ALKBH3: variants seen among roughly 807,000 people sequenced by gnomAD.
ALKBH3 encodes the protein alkB homolog 3, alpha-ketoglutarate dependent dioxygenase.
ALKBH3 carries 51 observed loss-of-function variants against 43.9 expected under a neutral mutation model. The observed-to-expected ratio is 1.16, with a 90% CI of 0.93 to 1.47. The LOEUF is 1.47. ALKBH3 is among the 40% of genes most tolerant of loss of function. The pLI, the probability that ALKBH3 is intolerant of heterozygous loss-of-function variation, is 0.00. For synonymous variants in ALKBH3, 102 were observed against 115.2 expected (o/e 0.89, Z 0.73); for missense variants, 361 against 351.9 (o/e 1.03, Z -0.21).
At chr11:43,897,803 C>T in intron 7 of ALKBH3, 1 of 829,834 alleles carries the variant, frequency 1.2e-6, no homozygotes, top group South Asian at 1.3e-5. Context: ...AAGATTGGAC[C>T]CGTTTTGAAC....
intron 5 of ALKBH3, 66 bp downstream of exon 5, chr11:43,886,719 C>T: frequency 2.0e-6 from 3 of 1,507,092 alleles, no homozygotes; most frequent in Non-Finnish European, 2.8e-6. Context: ...AAATAGTTTA[C>T]TCCCCTAGAG....
rs370472059 is a variant in ALKBH3, at chr11:43,914,412, G to A, written c.670-4626G>A. On this transcript the variant is annotated intron_variant, in intron 8 of 9. Coordinates refer to ENST00000302708, the MANE Select transcript of ALKBH3 (RefSeq NM_139178.4). Reference sequence around the variant, plus strand: ...GCCTGGCACCTGAGCACATGCCATCGTAGATCTTGTGGAAGAAGTCTGGCA... The same window carrying A: ...GCCTGGCACCTGAGCACATGCCATCATAGATCTTGTGGAAGAAGTCTGGCA... Among the ~76,000 whole-genome samples the A allele has an allele frequency of 2.0e-3, 300 of 152,268 alleles. 2 individuals are homozygous for A. The highest frequency in any genetic ancestry group is 7.0e-3 in the African/African-American group (291 of 41,552).
chr11:43,882,768 T>G (rs561117909), intron 2 of ALKBH3, 37 bp downstream of exon 2: 2 of 1,563,532 alleles, frequency 1.3e-6, no homozygotes, highest in African/African-American at 2.8e-5. Context: ...TGTGTGGATA[T>G]GGACAACTCT....
At chr11:43,905,935 A>G (rs1353372845) in intron 8 of ALKBH3, among the ~76,000 whole-genome samples, 1 of 152,242 alleles carries the variant, frequency 6.6e-6, no homozygotes, top group African/African-American at 2.4e-5. Context: ...CCATGGAAAC[A>G]GTGATGGCTG....
At chr11:43,898,454 G>C (rs1278290123) in intron 7 of ALKBH3, 1 of 862,108 alleles carries the variant, frequency 1.2e-6, no homozygotes, top group Non-Finnish European at 1.9e-6. Context: ...TGGCCCCTCT[G>C]TATGCTCAGG....
chr11:43,896,102 C>T (rs115219419), intron 7 of ALKBH3, among the ~76,000 whole-genome samples: 3,891 of 152,242 alleles, frequency 0.026, 91 homozygotes, highest in African/African-American at 0.063. Flanking sequence ...ATTTGGCAGA[C>T]ATTTCCTCAT....
chr11:43,890,747 C>T (rs1235933605), intron 6 of ALKBH3, among the ~76,000 whole-genome samples: 1 of 152,014 alleles, frequency 6.6e-6, no homozygotes, highest in Non-Finnish European at 1.5e-5. Context: ...ACCTGTAGTC[C>T]CAGCTACTCG....
intron 8 of ALKBH3, chr11:43,910,516 GTAATGATAAAATCA>G (rs1313764356): frequency 6.6e-6 from 1 of 152,162 alleles, no homozygotes; most frequent in East Asian, 1.9e-4. Flanking sequence ...CTTCCACCCT[GTAATGATAAAATCA>G]GATTCGTATT....
At position 43,887,286 on chromosome 11, in the gene ALKBH3, G is replaced by C. The variant is rs114898299; in HGVS notation, c.266+633G>C. ...CTATTTCCCAAGTTTTTTAGATGAG[G>C]AAATGAGACCTAGGAAGATTGAATA... On this transcript the variant is annotated intron_variant, in intron 5 of 9. Transcript: ENST00000302708. 8.1e-3 allele frequency among the ~76,000 whole-genome samples: 1,232 copies of C among 152,196 alleles called. 13 individuals are homozygous for C. Among genetic ancestry groups the C allele is most frequent in the African/African-American group, 0.028 (1,162 of 41,520 alleles).
At chr11:43,884,116 A>T (rs548623253) in intron 4 of ALKBH3, 99 bp downstream of exon 4, 7 of 1,400,786 alleles carry the variant, frequency 5.0e-6, no homozygotes, top group Non-Finnish European at 6.0e-6. Flanking sequence ...AGAATGGCCC[A>T]ATAAGTGTCT....
In ALKBH3 at chr11:43,883,280, T is replaced by G. The variant is rs186756177; in HGVS notation, c.183+92T>G. Reference sequence around the variant, plus strand: ...GACACTCAAATAAATAATGACTGAATAAATTCACTAATAGCAGAGCAGAAG... The same window carrying G: ...GACACTCAAATAAATAATGACTGAAGAAATTCACTAATAGCAGAGCAGAAG... On this transcript the variant is annotated intron_variant, in intron 3 of 9. Transcript: ENST00000302708. The G allele has an allele frequency of 4.1e-5, 34 of 824,492 alleles. No homozygotes were observed. In the African/African-American group the frequency reaches 5.0e-4, roughly 12 times the overall value. 51.1% of individuals were successfully genotyped at this position (824,492 alleles called of 1,614,324 possible). A position where few individuals can be genotyped will look rare whatever the true frequency, so the allele number is the denominator to read the frequency against.
At chr11:43,889,863 G>A (rs200004652) in intron 6 of ALKBH3, 35 bp downstream of exon 6, 13 of 1,525,826 alleles carry the variant, frequency 8.5e-6, no homozygotes, top group East Asian at 2.3e-5. Flanking sequence ...TTGGTGCTGC[G>A]TGTTCTCCCT....
intron 8 of ALKBH3, among the ~76,000 whole-genome samples, chr11:43,917,572 G>A (rs980235056): frequency 5.3e-4 from 81 of 152,156 alleles, no homozygotes; most frequent in African/African-American, 1.9e-3. Flanking sequence ...GCCTTGGACT[G>A]TCTAATCTCA....
At chr11:43,898,270 C>A in intron 7 of ALKBH3, 1 of 764,580 alleles carries the variant, frequency 1.3e-6, no homozygotes, top group Non-Finnish European at 2.3e-6. Context: ...TGAGCATATT[C>A]TTCAGTTCCT....
chr11:43,903,983 A>G (rs1330414978), intron 8 of ALKBH3, among the ~76,000 whole-genome samples: 1 of 152,230 alleles, frequency 6.6e-6, no homozygotes, highest in Non-Finnish European at 1.5e-5. Context: ...CACATCAGTT[A>G]TGTTATAGGG....
rs1952015640 is a variant in ALKBH3, at chr11:43,920,170, C to G, written c.*160C>G. On this transcript the variant is annotated 3_prime_UTR_variant, in exon 10 of 10. Transcript: ENST00000302708. ...AGTCCTATTAAATGAAAGCCAGCAACTCATGTTGGTAATAGGTCTACTGTG... is the reference window on the plus strand; with the variant it reads ...AGTCCTATTAAATGAAAGCCAGCAAGTCATGTTGGTAATAGGTCTACTGTG... 3.2e-6 allele frequency: 2 copies of G among 631,086 alleles called. No individual in the cohort carries two copies. The highest frequency in any genetic ancestry group is 2.8e-5 in the East Asian group (1 of 36,124). The allele number at this position is 631,086 out of a possible 1,614,324, so 39.1% of individuals were successfully genotyped here.
intron 5 of ALKBH3, among the ~76,000 whole-genome samples, chr11:43,887,819 C>T (rs1468768633): frequency 1.3e-5 from 2 of 151,624 alleles, no homozygotes; most frequent in Non-Finnish European, 2.9e-5. Context: ...GACAGAGTCT[C>T]ACTCTGTCAC....
chr11:43,899,612 G>A (rs1459156720), intron 7 of ALKBH3: 3 of 518,214 alleles, frequency 5.8e-6, no homozygotes, highest in East Asian at 3.7e-5. Flanking sequence ...GCCCCTCCTC[G>A]GACAGCCAGC....
chr11:43,882,620 T>C lies in ALKBH3; in HGVS notation c.-33T>C. 2 of 1,589,998 alleles carry C rather than the reference T, an allele frequency of 1.3e-6. No individual in the cohort carries two copies. The highest frequency in any genetic ancestry group is 1.7e-6 in the Non-Finnish European group (2 of 1,171,966). ...AGTTTGAAACAGGAACAAAATCTTC[T>C]GAAAGCTCGGAGCAGAAGCCTTTTT... On this transcript the variant is annotated 5_prime_UTR_variant, in exon 2 of 10. Coordinates refer to ENST00000302708, the MANE Select transcript of ALKBH3 (RefSeq NM_139178.4).
Sources: allele counts gnomAD v4.1 joint callset (sites outside exome capture counted in the v4.1 genomes callset), GRCh38; gene constraint gnomAD v4.1.1; transcripts MANE v1.5; gene names NCBI Gene and HGNC (gene_info 2026-07-23, HGNC 2026-07-21).